The following MYO1E variants were observed in gnomAD, a reference collection of about 807,000 sequenced individuals.
MYO1E encodes myosin IE.
MYO1E carries 68 observed loss-of-function variants against 151.1 expected under a neutral mutation model. The ratio of observed to expected loss-of-function variants is 0.45; its 90% CI spans 0.37 to 0.55. MYO1E has a LOEUF of 0.55. MYO1E is among the 20% of genes least tolerant of loss of function. The pLI is 0.00. For synonymous variants in MYO1E, 601 were observed against 501.7 expected, an observed-to-expected ratio of 1.20 and a Z score of -2.64; for missense variants, 1,363 against 1,389.3, an observed-to-expected ratio of 0.98 and a Z score of 0.30.
At chr15:59,241,997 G>C (rs1407446752) in intron 4 of MYO1E, among the ~76,000 whole-genome samples, 1 of 152,060 alleles carries the variant, frequency 6.6e-6, no homozygotes, top group Non-Finnish European at 1.5e-5. Context: ...AAGCTGGGAG[G>C]GGTAGGGAGT....
intron 2 of MYO1E, chr15:59,264,787 AAGGTGGGTGGACCCCTTGAGCTC>A (rs1455681803): frequency 2.0e-5 from 3 of 152,218 alleles, no homozygotes; most frequent in African/African-American, 7.2e-5. Context: ...TCGGGAGAAT[AAGGTGGGTGGACCCCTTGAGCTC>A]AGGAGTTCGA....
chr15:59,145,920 ACTACCATC>A (rs780603007), intron 26 of MYO1E, among the ~76,000 whole-genome samples: 9 of 152,310 alleles, frequency 5.9e-5, no homozygotes, highest in African/African-American at 9.6e-5. Flanking sequence ...TTACCAGCAC[ACTACCATC>A]CTACCATCCT....
chr15:59,139,003 G>A (rs1233446399), intron 26 of MYO1E, among the ~76,000 whole-genome samples: 3 of 152,068 alleles, frequency 2.0e-5, no homozygotes, highest in South Asian at 2.1e-4. Flanking sequence ...ACCACTGCGC[G>A]AGTGAGTGTG....
intron 1 of MYO1E, among the ~76,000 whole-genome samples, chr15:59,277,560 A>ACAACAACAACAAC (rs1365243339): frequency 0.029 from 3,625 of 126,756 alleles, 80 homozygotes; most frequent in Middle Eastern, 0.059. Context: ...AAAAAAAAAA[A>ACAACAACAACAAC]AAAAAAAAAA....
intron 1 of MYO1E, among the ~76,000 whole-genome samples, chr15:59,367,047 A>G (rs1312517931): frequency 6.7e-6 from 1 of 149,940 alleles, no homozygotes; most frequent in Non-Finnish European, 1.5e-5. Flanking sequence ...TTGGAAAACC[A>G]TGACTGTACA....
At chr15:59,158,814 C>T (rs1211952336) in intron 24 of MYO1E, among the ~76,000 whole-genome samples, 1 of 152,218 alleles carries the variant, frequency 6.6e-6, no homozygotes, top group Admixed American at 6.5e-5. Context: ...CTACGTCAAG[C>T]GCCTTGCACG....
intron 1 of MYO1E, among the ~76,000 whole-genome samples, chr15:59,339,062 A>G (rs1291311716): frequency 6.6e-6 from 1 of 152,210 alleles, no homozygotes; most frequent in Admixed American, 6.5e-5. Flanking sequence ...AACCTGGGAT[A>G]CAGAGGTTGC....
rs190308714 is a variant in MYO1E, at chr15:59,339,836, T to C, written c.3+32662A>G. On this transcript the variant is annotated intron_variant, in intron 1 of 27. Transcript: ENST00000288235. ...GATACCTTCTCTACAAAATTTTATA[T>C]ATACATACTTTTTTTTGTTTTTTTT... is the stretch of plus-strand genomic sequence containing the variant. Among the ~76,000 whole-genome samples, 1,158 of 146,016 alleles carry C rather than the reference T, an allele frequency of 7.9e-3. 9 individuals carry two copies. The highest frequency in any genetic ancestry group is 0.016 in the Admixed American group (226 of 13,998).
intron 3 of MYO1E, among the ~76,000 whole-genome samples, chr15:59,259,426 G>A (rs921181349): frequency 3.9e-5 from 6 of 152,074 alleles, no homozygotes; most frequent in African/African-American, 1.2e-4. Flanking sequence ...CCAAAACAAT[G>A]GACTCTCATA....
In MYO1E at chr15:59,149,062, T is replaced by TTTTG. The variant is rs1555406904; in HGVS notation, c.3080+4527_3080+4528insCAAA. Reference sequence around the variant, plus strand: ...TGTTTTTTTTTTTTTGTTTTTTTTTTTTTTTTTTTTTTGAGACAGAGTCTT... The same window carrying TTTTG: ...TGTTTTTTTTTTTTTGTTTTTTTTTTTTTGTTTTTTTTTTTTGAGACAGAGTCTT... On this transcript the variant is annotated intron_variant, in intron 26 of 27. Coordinates refer to ENST00000288235, the MANE Select transcript of MYO1E (RefSeq NM_004998.4). Among the ~76,000 whole-genome samples, 118 of 84,182 alleles carry TTTTG rather than the reference T, an allele frequency of 1.4e-3. 1 individual carries two copies. Among genetic ancestry groups the TTTTG allele is most frequent in the African/African-American group, 3.2e-3 (102 of 31,784 alleles). 55.2% of individuals were successfully genotyped at this position (84,182 alleles called of 152,430 possible). A position where few individuals can be genotyped will look rare whatever the true frequency, so the allele number is the denominator to read the frequency against.
chr15:59,227,377 ATAGTC>A, intron 7 of MYO1E, 77 bp downstream of exon 7: 2 of 1,536,504 alleles, frequency 1.3e-6, no homozygotes, highest in South Asian at 2.3e-5. Flanking sequence ...TTCCTAGACT[ATAGTC>A]TATGCCTGAA....
In MYO1E at chr15:59,270,645, T is replaced by C. The variant is rs544849697; in HGVS notation, c.147+1661A>G. Among the ~76,000 whole-genome samples the C allele has an allele frequency of 4.8e-5, 7 of 144,710 alleles. No individual in the cohort carries two copies. In the South Asian group the frequency reaches 1.3e-3, roughly 27 times the overall value. 94.9% of individuals were successfully genotyped at this position (144,710 alleles called of 152,430 possible). A position where few individuals can be genotyped will look rare whatever the true frequency, so the allele number is the denominator to read the frequency against. ...TCATTTAAAAATACAATAAATTCAC[T>C]TTTTTTTTTTGGAGACAGAGTCTTG... On this transcript the variant is annotated intron_variant, in intron 2 of 27. Transcript: ENST00000288235.
At chr15:59,356,880 T>C (rs1406703243) in intron 1 of MYO1E, among the ~76,000 whole-genome samples, 1 of 106,658 alleles carries the variant, frequency 9.4e-6, no homozygotes, top group African/African-American at 3.6e-5. Context: ...TCCTGTTAAG[T>C]TTTTTTTTTT....
intron 1 of MYO1E, among the ~76,000 whole-genome samples, chr15:59,357,037 C>A (rs866298533): frequency 2.5e-4 from 38 of 152,036 alleles, no homozygotes; most frequent in Middle Eastern, 6.8e-3. Flanking sequence ...TCTCAAGTAG[C>A]TGGGATTACA....
chr15:59,276,216 T>C (rs1236234910), intron 1 of MYO1E, among the ~76,000 whole-genome samples: 1 of 152,168 alleles, frequency 6.6e-6, no homozygotes, highest in African/African-American at 2.4e-5. Context: ...TCCTCATCAG[T>C]GTGAGGGCAG....
chr15:59,309,919 T>G (rs1249528304), intron 1 of MYO1E, among the ~76,000 whole-genome samples: 4 of 152,160 alleles, frequency 2.6e-5, no homozygotes, highest in African/African-American at 9.7e-5. Flanking sequence ...TCACCCTTGA[T>G]CCTTCCTCCC....
intron 1 of MYO1E, among the ~76,000 whole-genome samples, chr15:59,355,207 T>C (rs539261843): frequency 5.3e-5 from 8 of 152,294 alleles, no homozygotes; most frequent in Non-Finnish European, 1.0e-4. Context: ...CTCTCCGTCG[T>C]GACTTTCCAA....
chr15:59,344,896 A>C (rs2080785486), intron 1 of MYO1E, among the ~76,000 whole-genome samples: 1 of 152,250 alleles, frequency 6.6e-6, no homozygotes, highest in African/African-American at 2.4e-5. Context: ...TAGGTACTAA[A>C]AGACCAAGAA....
rs769089951 is a variant in MYO1E, at chr15:59,347,131, G to A, written c.3+25367C>T. Among the ~76,000 whole-genome samples, 10 of 152,096 alleles carry A rather than the reference G, an allele frequency of 6.6e-5. No homozygotes were observed. The South Asian group carries it at 1.2e-3, about 19-fold the overall frequency. Reference sequence around the variant, plus strand: ...TGCTGGCAGTGGCCTGTCAGGAACCGGGCTGCACAGCAGCAGGTGAGTGGC... The same window carrying A: ...TGCTGGCAGTGGCCTGTCAGGAACCAGGCTGCACAGCAGCAGGTGAGTGGC... On this transcript the variant is annotated intron_variant, in intron 1 of 27. Coordinates refer to ENST00000288235, the MANE Select transcript of MYO1E (RefSeq NM_004998.4).
Sources: allele counts gnomAD v4.1 joint callset (sites outside exome capture counted in the v4.1 genomes callset), GRCh38; gene constraint gnomAD v4.1.1; transcripts MANE v1.5; gene names NCBI Gene and HGNC (gene_info 2026-07-23, HGNC 2026-07-21).